Variants in KLRG1 observed in about 807,000 individuals in gnomAD.
The protein encoded by KLRG1 is killer cell lectin like receptor G1.
A neutral mutation model predicts 21.8 loss-of-function variants in KLRG1; 16 were observed. The observed-to-expected ratio is 0.73, with a 90% CI of 0.50 to 1.11. The LOEUF is 1.11. KLRG1 is among the 50% of genes most tolerant of loss of function. The probability of loss-of-function intolerance (pLI) is 0.00; values close to 1 mark genes in which losing one functional copy is unlikely to be tolerated. For missense variants in KLRG1, 173 were observed against 218.3 expected (o/e 0.79, Z 1.31); for synonymous variants, 69 against 75.9 (o/e 0.91, Z 0.47).
the KLRG1 span, chr12:9,101,259 CA>C: frequency 6.6e-7 from 1 of 1,516,850 alleles, no homozygotes; most frequent in Non-Finnish European, 9.0e-7. Context: ...GAACACGCTT[CA>C]GTCTCACTTC....
Position 8,951,485 on chromosome 12 carries a change from A to G in KLRG1, c.-156+1249A>G, listed in dbSNP as rs181949989. 1.6e-4 allele frequency among the ~76,000 whole-genome samples: 25 copies of G among 152,330 alleles called. No homozygotes were observed. In the East Asian group the frequency reaches 4.2e-3, roughly 26 times the overall value. On this transcript the variant is annotated intron_variant, in intron 1 of 4. Transcript: ENST00000539240. ...ACCTATCTCAAAAAGATATGTATGT[A>G]TCAAATATTTTTCCATATCCTTGAC...
At chr12:9,185,508 A>C in the KLRG1 span, among the ~76,000 whole-genome samples, 257 of 152,374 alleles carry the variant, frequency 1.7e-3, no homozygotes, top group Non-Finnish European at 2.9e-3. Context: ...CTTGGAAAAC[A>C]TATTTTAGGA....
chr12:9,093,713 G>T, the KLRG1 span: 13 of 514,650 alleles, frequency 2.5e-5, no homozygotes, highest in Non-Finnish European at 3.9e-5. Context: ...AGGAGAGGGC[G>T]CTTGGGTCAT....
At chr12:9,121,853 C>T in the KLRG1 span, among the ~76,000 whole-genome samples, 2 of 152,180 alleles carry the variant, frequency 1.3e-5, no homozygotes, top group African/African-American at 4.8e-5. This position sits in a 1 kb window ranked among gnomAD's most constrained non-coding sequence, Gnocchi z 4.4. Flanking sequence ...ACTATCTCAT[C>T]AACTTTCTAA....
chr12:9,168,598 C>T, the KLRG1 span: 1 of 318,730 alleles, frequency 3.1e-6, no homozygotes, highest in Non-Finnish European at 5.7e-6. Flanking sequence ...TCTTTCTTTC[C>T]ATTGTCAGCA....
chr12:9,007,594 C>G (rs1342016963), intron 3 of KLRG1, among the ~76,000 whole-genome samples: 1 of 152,024 alleles, frequency 6.6e-6, no homozygotes, highest in Non-Finnish European at 1.5e-5. Context: ...AGAAGAGCAA[C>G]TCTTTATTTG....
the KLRG1 span, chr12:9,077,588 G>A: frequency 6.6e-7 from 1 of 1,524,520 alleles, no homozygotes. Flanking sequence ...GTGCCATCCA[G>A]GTTTTATTTT....
At chr12:9,150,319 G>A in the KLRG1 span, among the ~76,000 whole-genome samples, 25 of 152,120 alleles carry the variant, frequency 1.6e-4, no homozygotes, top group African/African-American at 3.9e-4. Context: ...GTCTCGCACC[G>A]TCACCTGGGC....
the KLRG1 span, among the ~76,000 whole-genome samples, chr12:9,054,742 G>C: frequency 6.6e-6 from 1 of 152,124 alleles, no homozygotes. Context: ...TAAAGTTGCA[G>C]TTTCTAAGAA....
At chr12:9,135,388 G>A in the KLRG1 span, 1 of 331,504 alleles carries the variant, frequency 3.0e-6, no homozygotes. Flanking sequence ...TTGGACTCAC[G>A]CTCACCTCAA....
chr12:9,093,665 A>C, the KLRG1 span: 6 of 758,638 alleles, frequency 7.9e-6, no homozygotes, highest in Admixed American at 3.6e-5. Context: ...AAAAAAAAAA[A>C]ACAAAAAACA....
chr12:9,183,720 A>T, the KLRG1 span, among the ~76,000 whole-genome samples: 15 of 152,338 alleles, frequency 9.8e-5, no homozygotes, highest in African/African-American at 3.6e-4. Context: ...ATTATATTAA[A>T]GCCTGAGATT....
At chr12:8,956,003 C>T (rs1404232314) in intron 1 of KLRG1, among the ~76,000 whole-genome samples, 1 of 152,168 alleles carries the variant, frequency 6.6e-6, no homozygotes, top group African/African-American at 2.4e-5. Flanking sequence ...TAAAAACTCC[C>T]GGACTCAGCT....
the KLRG1 span, among the ~76,000 whole-genome samples, chr12:9,164,727 T>C: frequency 6.6e-6 from 1 of 152,208 alleles, no homozygotes; most frequent in Non-Finnish European, 1.5e-5. Flanking sequence ...ACAACCACTA[T>C]TACATAATTT....
chr12:9,115,450 A>T, the KLRG1 span: 2 of 195,812 alleles, frequency 1.0e-5, no homozygotes, highest in African/African-American at 4.7e-5. Context: ...GAGAAAGAGG[A>T]AATAAGAAAA....
chr12:8,953,305 G>A (rs1946236869), intron 1 of KLRG1, among the ~76,000 whole-genome samples: 1 of 152,148 alleles, frequency 6.6e-6, no homozygotes, highest in African/African-American at 2.4e-5. Context: ...GCTAGGTCTG[G>A]GCATTTATGG....
the KLRG1 span, chr12:9,089,890 A>G: frequency 6.3e-7 from 1 of 1,597,160 alleles, no homozygotes; most frequent in Non-Finnish European, 8.6e-7. Context: ...TATATTATTT[A>G]GGTTTACTTA....
At chr12:9,023,357 T>G in the KLRG1 span, among the ~76,000 whole-genome samples, 19 of 152,304 alleles carry the variant, frequency 1.2e-4, no homozygotes, top group Admixed American at 1.2e-3. Context: ...CATTTTGTTG[T>G]GAGAGTATAG....
chr12:9,113,649 GAGA>G, the KLRG1 span: 2 of 1,138,978 alleles, frequency 1.8e-6, no homozygotes, highest in Non-Finnish European at 2.5e-6. Context: ...TCTACACCAA[GAGA>G]AGATGTACTG....
Sources: gnomAD v4.1 joint callset for allele counts (sites outside exome capture counted in the v4.1 genomes callset) on GRCh38, gnomAD v4.1.1 for gene constraint, Gnocchi (gnomAD v3.1) non-coding constraint, MANE v1.5 for transcripts, NCBI Gene and HGNC (gene_info 2026-07-23, HGNC 2026-07-21) for gene names.